Variants in ZFR observed in about 807,000 individuals in gnomAD.
ZFR encodes zinc finger RNA binding protein.
Under a neutral mutation model 130.7 loss-of-function variants are expected in ZFR, and 19 were observed. That is an observed-to-expected ratio of 0.15 (90% CI 0.10 to 0.21). The LOEUF (loss-of-function observed/expected upper bound fraction) is 0.21. Among genes scored for constraint, ZFR ranks in the 10% least tolerant of loss-of-function variants. The pLI is 1.00. For synonymous variants in ZFR, 466 were observed against 456.9 expected, an observed-to-expected ratio of 1.02 and a Z score of -0.25; for missense variants, 872 against 1,321.5, an observed-to-expected ratio of 0.66 and a Z score of 5.27.
chr5:32,367,434 T>C (rs1370646820), intron 17 of ZFR, among the ~76,000 whole-genome samples: 1 of 142,302 alleles, frequency 7.0e-6, no homozygotes, highest in Non-Finnish European at 1.5e-5. Flanking sequence ...AAACTCCATC[T>C]CAAAAATAAT....
At chr5:32,387,411 T>G in intron 14 of ZFR, 138 bp downstream of exon 14, 2 of 894,792 alleles carry the variant, frequency 2.2e-6, no homozygotes, top group Non-Finnish European at 3.4e-6. Context: ...GTTTGCACAA[T>G]CAAACAAAAA....
chr5:32,413,589 G>A (rs926599689), intron 5 of ZFR, among the ~76,000 whole-genome samples: 3 of 151,930 alleles, frequency 2.0e-5, no homozygotes, highest in Admixed American at 1.3e-4. Context: ...AAAGAGAAAG[G>A]AAAGGAAGCA....
intron 15 of ZFR, among the ~76,000 whole-genome samples, chr5:32,380,894 C>A (rs189683844): frequency 1.6e-3 from 250 of 151,574 alleles, no homozygotes; most frequent in African/African-American, 2.7e-3. Context: ...AAGTGATACA[C>A]CCGCCTCGGC....
intron 2 of ZFR, among the ~76,000 whole-genome samples, chr5:32,440,798 A>C (rs1754455481): frequency 6.6e-6 from 1 of 152,252 alleles, no homozygotes; most frequent in South Asian, 2.1e-4. Context: ...TCTACAAGTT[A>C]CTAGTAGCCA....
chr5:32,433,278 T>C (rs1203343876), intron 2 of ZFR, among the ~76,000 whole-genome samples: 4 of 152,148 alleles, frequency 2.6e-5, no homozygotes, highest in Non-Finnish European at 5.9e-5. Context: ...TAAGGGATAA[T>C]GAAAAAGAAT....
chr5:32,412,009 G>A (rs970339658), intron 5 of ZFR, among the ~76,000 whole-genome samples: 1 of 151,902 alleles, frequency 6.6e-6, no homozygotes, highest in Non-Finnish European at 1.5e-5. Flanking sequence ...GTGGAAGGAG[G>A]GAACTCTAGA....
intron 11 of ZFR, among the ~76,000 whole-genome samples, chr5:32,393,838 G>A (rs1160750007): frequency 6.6e-6 from 1 of 152,164 alleles, no homozygotes; most frequent in Non-Finnish European, 1.5e-5. Flanking sequence ...AGCAACTAAC[G>A]ATAATGTATG....
intron 15 of ZFR, among the ~76,000 whole-genome samples, chr5:32,382,208 G>A (rs1221021603): frequency 6.6e-6 from 1 of 152,118 alleles, no homozygotes; most frequent in Non-Finnish European, 1.5e-5. Context: ...CTACTTGGGA[G>A]GCTGAGGCAT....
At chr5:32,421,715 C>CA (rs1753962438) in intron 2 of ZFR, among the ~76,000 whole-genome samples, 1 of 151,400 alleles carries the variant, frequency 6.6e-6, no homozygotes, top group Admixed American at 6.6e-5. Context: ...AAAAAGAAAA[C>CA]AAAAAACAAA....
In ZFR at chr5:32,355,948, A is replaced by G. The variant is rs751773561; in HGVS notation, c.3046-9T>C. The G allele has an allele frequency of 1.3e-6, 2 of 1,575,992 alleles. No individual in the cohort carries two copies. Among genetic ancestry groups the G allele is most frequent in the Admixed American group, 2.0e-5 (1 of 50,724 alleles). On this transcript the variant is annotated splice_polypyrimidine_tract_variant and intron_variant, in intron 19 of 19. Coordinates refer to ENST00000265069, the MANE Select transcript of ZFR (RefSeq NM_016107.5). ...AGGAGTCTCAATGCAAACTGCAACA[A>G]AGAGAGTCAGAATTTTGAGTTAATT...
chr5:32,405,479 G>C (rs914576874), intron 6 of ZFR, among the ~76,000 whole-genome samples: 1 of 152,144 alleles, frequency 6.6e-6, no homozygotes, highest in African/African-American at 2.4e-5. Context: ...TAACCACCCA[G>C]CACAGCAAAA....
intron 2 of ZFR, among the ~76,000 whole-genome samples, chr5:32,437,855 A>T (rs1754375598): frequency 6.6e-6 from 1 of 152,178 alleles, no homozygotes; most frequent in African/African-American, 2.4e-5. Context: ...TCTATTAATA[A>T]TATTTTGGTA....
chr5:32,435,177 C>G (rs1754307043), intron 2 of ZFR, among the ~76,000 whole-genome samples: 1 of 152,158 alleles, frequency 6.6e-6, no homozygotes, highest in African/African-American at 2.4e-5. Flanking sequence ...TCCCAAAATG[C>G]TGGGATTACA....
intron 11 of ZFR, among the ~76,000 whole-genome samples, chr5:32,391,100 C>T (rs944566858): frequency 2.0e-5 from 3 of 152,140 alleles, no homozygotes; most frequent in African/African-American, 4.8e-5. Context: ...AGAAACAATT[C>T]GTAAGTTTTA....
chr5:32,431,996 T>A (rs1754236460), intron 2 of ZFR, among the ~76,000 whole-genome samples: 1 of 150,662 alleles, frequency 6.6e-6, no homozygotes, highest in African/African-American at 2.4e-5. Context: ...CCCAGCTATT[T>A]TTTTTTTTTT....
At chr5:32,370,968 A>G (rs1242729872) in intron 17 of ZFR, among the ~76,000 whole-genome samples, 2 of 152,248 alleles carry the variant, frequency 1.3e-5, no homozygotes, top group Admixed American at 6.5e-5. Context: ...AACATAATAC[A>G]GTTCATAAGA....
intron 2 of ZFR, among the ~76,000 whole-genome samples, chr5:32,433,139 G>A (rs1224701698): frequency 6.6e-6 from 1 of 152,162 alleles, no homozygotes; most frequent in Admixed American, 6.5e-5. Context: ...AATGTCGTAT[G>A]AAAATTGTTA....
At chr5:32,431,842 G>GT (rs1754231982) in intron 2 of ZFR, among the ~76,000 whole-genome samples, 1 of 150,984 alleles carries the variant, frequency 6.6e-6, no homozygotes, top group Admixed American at 6.6e-5. Context: ...TTTTTGTTTT[G>GT]TTTTTGTTTT....
In ZFR at chr5:32,444,113, C is replaced by T. The variant is rs553908235; in HGVS notation, c.137+116G>A. The T allele has an allele frequency of 1.3e-5, 16 of 1,203,030 alleles. No individual in the cohort carries two copies. The African/African-American group carries it at 2.2e-4, about 17-fold the overall frequency. 74.5% of individuals were successfully genotyped at this position (1,203,030 alleles called of 1,614,324 possible). A position where few individuals can be genotyped will look rare whatever the true frequency, so the allele number is the denominator to read the frequency against. On this transcript the variant is annotated intron_variant, in intron 2 of 19. Coordinates refer to ENST00000265069, the MANE Select transcript of ZFR (RefSeq NM_016107.5). ...GCCGCCGGGCTGGGCCGGGCCAGGCCTGCAGCGGGCCGGGGCTCTGGGATG... is the reference window on the plus strand; with the variant it reads ...GCCGCCGGGCTGGGCCGGGCCAGGCTTGCAGCGGGCCGGGGCTCTGGGATG...
Sources: gnomAD v4.1 joint callset for allele counts (sites outside exome capture counted in the v4.1 genomes callset) on GRCh38, gnomAD v4.1.1 for gene constraint, MANE v1.5 for transcripts, NCBI Gene and HGNC (gene_info 2026-07-23, HGNC 2026-07-21) for gene names.